The following MAN2B2 variants were observed in gnomAD, a reference collection of about 807,000 sequenced individuals.
The protein encoded by MAN2B2 is mannosidase alpha class 2B member 2, also known as epididymis-specific alpha-mannosidase.
Under a neutral mutation model 117.1 loss-of-function variants are expected in MAN2B2, and 106 were observed. The ratio of observed to expected loss-of-function variants is 0.90; its 90% CI spans 0.77 to 1.06. The LOEUF (loss-of-function observed/expected upper bound fraction) is 1.06, where lower values mean the gene tolerates loss of function less well. MAN2B2 is among the 50% of genes least tolerant of loss of function. The pLI, the probability that MAN2B2 is intolerant of heterozygous loss-of-function variation, is 0.00. For missense variants in MAN2B2, 1,326 were observed against 1,381.4 expected, an observed-to-expected ratio of 0.96 and a Z score of 0.64; for synonymous variants, 544 against 595.1, an observed-to-expected ratio of 0.91 and a Z score of 1.25.
intron 5 of MAN2B2, 65 bp from the exon 6 acceptor site, chr4:6,593,108 T>G: frequency 6.5e-7 from 1 of 1,529,000 alleles, no homozygotes; most frequent in Non-Finnish European, 8.9e-7. Context: ...ACATGGCACT[T>G]GGGTGTGAGC....
chr4:6,593,404 C>T lies in MAN2B2; in HGVS notation c.858+54C>T, dbSNP rs1726936391. On this transcript the variant is annotated intron_variant, in intron 6 of 18. Transcript: ENST00000285599. ...TCAACACAGCCCAAGGAGCACTATGCAAGCCCTGGTCCCTGCACCCAGGGC... is the reference window on the plus strand; with the variant it reads ...TCAACACAGCCCAAGGAGCACTATGTAAGCCCTGGTCCCTGCACCCAGGGC... 4 of 1,539,368 alleles carry T rather than the reference C, an allele frequency of 2.6e-6. No homozygotes were observed. The South Asian group carries it at 3.7e-5, about 14-fold the overall frequency.
At chr4:6,616,277 G>C (rs768420250) in intron 16 of MAN2B2, among the ~76,000 whole-genome samples, 6 of 152,144 alleles carry the variant, frequency 3.9e-5, no homozygotes, top group Non-Finnish European at 8.8e-5. Flanking sequence ...CTGAGCCTCG[G>C]TCTTCCCATC....
chr4:6,578,471 C>CG lies in MAN2B2; in HGVS notation c.364_365insG (p.Leu122ArgfsTer2), dbSNP rs776669356. On this transcript the variant is annotated frameshift_variant, in exon 3 of 19. Transcript: ENST00000285599. LOFTEE classifies it high-confidence loss of function. ...CATGCATGACGAGGCTGTGACGCACCTTGATGACCAGATCCTGCAGCTCAC... is the reference window on the plus strand; with the variant it reads ...CATGCATGACGAGGCTGTGACGCACCGTTGATGACCAGATCCTGCAGCTCAC... The CG allele has an allele frequency of 4.3e-6, 7 of 1,613,480 alleles. No individual in the cohort carries two copies. Among genetic ancestry groups the CG allele is most frequent in the Non-Finnish European group, 5.9e-6 (7 of 1,179,734 alleles).
At chr4:6,621,001 A>G (rs947495343) in intron 18 of MAN2B2, 187 bp from the exon 19 acceptor site, 7 of 560,080 alleles carry the variant, frequency 1.2e-5, no homozygotes, top group Non-Finnish European at 1.6e-5. Context: ...TGGGAGCCAC[A>G]GCAGACTGTA....
At chr4:6,591,694 A>G (rs866776560) in intron 5 of MAN2B2, among the ~76,000 whole-genome samples, 1 of 152,126 alleles carries the variant, frequency 6.6e-6, no homozygotes, top group Non-Finnish European at 1.5e-5. Flanking sequence ...CAAGAAGCAC[A>G]TGGGATTTTA....
At position 6,621,178 on chromosome 4, in the gene MAN2B2, G is replaced by C. The variant is rs59962864; in HGVS notation, c.2933-10G>C. On this transcript the variant is annotated splice_polypyrimidine_tract_variant and intron_variant, in intron 18 of 18. Coordinates refer to ENST00000285599, the MANE Select transcript of MAN2B2 (RefSeq NM_015274.3). Reference sequence around the variant, plus strand: ...AGGCCACACTGGACAGATCACCTCTGTTCCCCTAGGTGACACCACCTCTCC... The same window carrying C: ...AGGCCACACTGGACAGATCACCTCTCTTCCCCTAGGTGACACCACCTCTCC... 5.5e-3 allele frequency: 8,919 copies of C among 1,608,908 alleles called. 425 individuals carry two copies. The African/African-American group carries it at 0.1, about 19-fold the overall frequency.
intron 15 of MAN2B2, among the ~76,000 whole-genome samples, chr4:6,613,679 A>AGGAAGGAG (rs1314115820): frequency 1.6e-5 from 2 of 122,990 alleles, no homozygotes; most frequent in Non-Finnish European, 3.3e-5. Flanking sequence ...GAAGGGAGGA[A>AGGAAGGAG]GGAAGGAGGG....
intron 16 of MAN2B2, among the ~76,000 whole-genome samples, chr4:6,616,605 C>T (rs778115564): frequency 4.6e-5 from 7 of 152,190 alleles, no homozygotes; most frequent in East Asian, 1.9e-4. Flanking sequence ...GGAAGTACTG[C>T]GTCACTTCAG....
rs1383738798 is a variant in MAN2B2, at chr4:6,598,194, G to A, written c.1249-4G>A. ...TTCTTCCTCCCCTCTGGGGGTTGCT[G>A]CAGGTCCAGCACCATGATGCCATCA... On this transcript the variant is annotated splice_region_variant and splice_polypyrimidine_tract_variant and intron_variant, in intron 8 of 18. Coordinates refer to ENST00000285599, the MANE Select transcript of MAN2B2 (RefSeq NM_015274.3). The A allele has an allele frequency of 3.7e-5, 60 of 1,612,210 alleles. 1 individual carries two copies. Among genetic ancestry groups the A allele is most frequent in the Non-Finnish European group, 5.0e-5 (59 of 1,179,012 alleles).
At chr4:6,619,731 G>T in intron 17 of MAN2B2, 196 bp from the exon 18 acceptor site, 1 of 588,762 alleles carries the variant, frequency 1.7e-6, no homozygotes, top group Non-Finnish European at 3.1e-6. Context: ...GTCCTCATCT[G>T]TAAAGTACAC....
intron 3 of MAN2B2, among the ~76,000 whole-genome samples, chr4:6,583,606 C>A (rs1222437223): frequency 5.9e-5 from 9 of 152,194 alleles, no homozygotes; most frequent in African/African-American, 1.9e-4. Flanking sequence ...GCAGCAACCC[C>A]AGTTCTTGCC....
intron 16 of MAN2B2, among the ~76,000 whole-genome samples, chr4:6,616,084 G>A (rs1711856766): frequency 6.6e-6 from 1 of 152,148 alleles, no homozygotes; most frequent in South Asian, 2.1e-4. Flanking sequence ...GATTACAGGT[G>A]TGAGCCACCA....
chr4:6,586,227 ATT>A (rs1726628969), intron 3 of MAN2B2, among the ~76,000 whole-genome samples: 1 of 151,894 alleles, frequency 6.6e-6, no homozygotes, highest in Non-Finnish European at 1.5e-5. Flanking sequence ...AATTTTTTAA[ATT>A]TTGTGTGCAT....
intron 10 of MAN2B2, among the ~76,000 whole-genome samples, chr4:6,604,121 G>T (rs1727439211): frequency 6.6e-6 from 1 of 152,212 alleles, no homozygotes; most frequent in Non-Finnish European, 1.5e-5. Flanking sequence ...AGGCTCAGAG[G>T]CAGGAAACGG....
intron 4 of MAN2B2, among the ~76,000 whole-genome samples, chr4:6,587,595 C>T (rs1018882230): frequency 1.2e-4 from 18 of 152,194 alleles, no homozygotes; most frequent in Admixed American, 6.5e-5. Context: ...GCAACTGTTA[C>T]AAGACTTAAG....
intron 13 of MAN2B2, 93 bp downstream of exon 13, chr4:6,610,143 C>G: frequency 6.6e-7 from 1 of 1,509,520 alleles, no homozygotes; most frequent in South Asian, 1.3e-5. Flanking sequence ...CCAGTAGAGG[C>G]CTCCAGTGAG....
At chr4:6,586,782 A>G (rs538962668) in intron 3 of MAN2B2, among the ~76,000 whole-genome samples, 7 of 152,332 alleles carry the variant, frequency 4.6e-5, no homozygotes, top group Admixed American at 2.6e-4. Flanking sequence ...TACACTCACA[A>G]ATTATTAAGG....
chr4:6,575,853 C>A (rs1387767565), intron 1 of MAN2B2, among the ~76,000 whole-genome samples: 1 of 152,194 alleles, frequency 6.6e-6, no homozygotes, highest in Non-Finnish European at 1.5e-5. Context: ...CCTCAGTTTC[C>A]CCATCTGTAA....
chr4:6,613,805 G>A (rs1711709032), intron 15 of MAN2B2, among the ~76,000 whole-genome samples: 1 of 137,392 alleles, frequency 7.3e-6, no homozygotes, highest in African/African-American at 2.9e-5. Flanking sequence ...GAAAGGAAGA[G>A]GGAGGAGGAA....
Sources: allele counts gnomAD v4.1 joint callset (sites outside exome capture counted in the v4.1 genomes callset), GRCh38; gene constraint gnomAD v4.1.1; transcripts MANE v1.5; gene names NCBI Gene and HGNC (gene_info 2026-07-23, HGNC 2026-07-21).